MBNL3: variants seen among roughly 807,000 people sequenced by gnomAD.
The protein encoded by MBNL3 is muscleblind like splicing regulator 3.
MBNL3 carries 6 observed loss-of-function variants against 24.5 expected under a neutral mutation model. The ratio of observed to expected loss-of-function variants is 0.25; its 90% CI spans 0.13 to 0.48. MBNL3 has a LOEUF of 0.48. Among genes scored for constraint, MBNL3 ranks in the 20% least tolerant of loss-of-function variants. MBNL3 has a pLI of 0.99. For synonymous variants in MBNL3, 100 were observed against 101.7 expected, an observed-to-expected ratio of 0.98 and a Z score of 0.10; for missense variants, 230 against 293.5, an observed-to-expected ratio of 0.78 and a Z score of 1.58.
intron 6 of MBNL3, among the ~76,000 whole-genome samples, 173 bp downstream of exon 6, chrX:132,386,488 A>G (rs1936062642): frequency 8.9e-6 from 1 of 112,684 alleles, no homozygotes; most frequent in Non-Finnish European, 1.9e-5. Context: ...TTCATGAATT[A>G]TAGAAAAACA....
chrX:132,418,357 C>T (rs1224771109), intron 2 of MBNL3, among the ~76,000 whole-genome samples: 1 of 111,743 alleles, frequency 8.9e-6, no homozygotes, highest in Non-Finnish European at 1.9e-5. Flanking sequence ...GCTTTATATG[C>T]ATTAACTCAT....
At chrX:132,449,124 C>T (rs975627071) in intron 1 of MBNL3, among the ~76,000 whole-genome samples, 11 of 111,572 alleles carry the variant, frequency 9.9e-5, no homozygotes, top group African/African-American at 3.3e-4. Context: ...TGGTTTGGGA[C>T]GGAGAGTTCT....
At chrX:132,459,332 A>C (rs1340748541) in intron 1 of MBNL3, among the ~76,000 whole-genome samples, 1 of 110,843 alleles carries the variant, frequency 9.0e-6, no homozygotes, top group Non-Finnish European at 1.9e-5. Context: ...ACAAACTATA[A>C]TTTCCATGCC....
At position 132,476,953 on chromosome X, in the gene MBNL3, C is replaced by T. The variant is rs186235704; in HGVS notation, c.-704+11898G>A. Among the ~76,000 whole-genome samples, 14 of 111,837 alleles carry T rather than the reference C, an allele frequency of 1.3e-4. No individual in the cohort carries two copies. The Admixed American group carries it at 1.3e-3, about 11-fold the overall frequency. On this transcript the variant is annotated intron_variant, in intron 1 of 8. Transcript: ENST00000370853. ...CACACCTTATTCAACTGACTCTATACTACTCTGTACATGTTTACAGTGAAA... is the reference window on the plus strand; with the variant it reads ...CACACCTTATTCAACTGACTCTATATTACTCTGTACATGTTTACAGTGAAA...
intron 1 of MBNL3, among the ~76,000 whole-genome samples, chrX:132,480,047 G>A (rs1398338169): frequency 9.0e-6 from 1 of 111,356 alleles, no homozygotes; most frequent in African/African-American, 3.3e-5. Context: ...AGGGATTCCT[G>A]GATGTGAACC....
chrX:132,391,763 A>G (rs1937208884), intron 4 of MBNL3, among the ~76,000 whole-genome samples: 2 of 112,184 alleles, frequency 1.8e-5, no homozygotes, highest in African/African-American at 6.5e-5. Context: ...ATATAGCTTT[A>G]CATTCTGCAA....
At chrX:132,417,207 C>T (rs1172376001) in intron 2 of MBNL3, among the ~76,000 whole-genome samples, 5 of 111,383 alleles carry the variant, frequency 4.5e-5, no homozygotes, top group Non-Finnish European at 9.4e-5. Context: ...TCAGCTTCTG[C>T]TTCCAGTGAG....
chrX:132,478,166 C>T (rs1485331821), intron 1 of MBNL3, among the ~76,000 whole-genome samples: 1 of 108,490 alleles, frequency 9.2e-6, no homozygotes, highest in East Asian at 2.9e-4. Context: ...CACCTCACAC[C>T]CAATTGTCCC....
At position 132,406,914 on chromosome X, in the gene MBNL3, A is replaced by G. The variant is rs778204324; in HGVS notation, c.178-522T>C. 2.7e-5 allele frequency among the ~76,000 whole-genome samples: 3 copies of G among 112,109 alleles called. No homozygotes were observed. The East Asian group carries it at 8.4e-4, about 32-fold the overall frequency. Reference sequence around the variant, plus strand: ...TCTTATTTGGATTACTAGGTCCACCATAAACCTTTTAAGAAAGCACAACTG... The same window carrying G: ...TCTTATTTGGATTACTAGGTCCACCGTAAACCTTTTAAGAAAGCACAACTG... On this transcript the variant is annotated intron_variant, in intron 2 of 8. Transcript: ENST00000370853.
At chrX:132,462,176 G>C (rs1946661367) in intron 1 of MBNL3, among the ~76,000 whole-genome samples, 1 of 111,662 alleles carries the variant, frequency 9.0e-6, no homozygotes, top group Non-Finnish European at 1.9e-5. Flanking sequence ...TTTGGAGAAA[G>C]TTTAAATCTC....
At chrX:132,456,238 T>C (rs1399556460) in intron 1 of MBNL3, among the ~76,000 whole-genome samples, 1 of 112,299 alleles carries the variant, frequency 8.9e-6, no homozygotes, top group African/African-American at 3.2e-5. Flanking sequence ...ATAAACTGTG[T>C]CTACACAAAA....
intron 1 of MBNL3, among the ~76,000 whole-genome samples, chrX:132,458,561 G>A (rs1946487976): frequency 9.0e-6 from 1 of 111,040 alleles, no homozygotes; most frequent in Admixed American, 9.6e-5. Context: ...AGACACATGC[G>A]AAAGAAAGGG....
chrX:132,480,728 C>A (rs1947684039), intron 1 of MBNL3, among the ~76,000 whole-genome samples: 1 of 111,717 alleles, frequency 9.0e-6, no homozygotes, highest in Non-Finnish European at 1.9e-5. Context: ...TGGTCGCTTC[C>A]TGGCATTTAA....
chrX:132,399,602 T>G (rs763815433), intron 3 of MBNL3, among the ~76,000 whole-genome samples: 1 of 110,324 alleles, frequency 9.1e-6, no homozygotes, highest in East Asian at 2.8e-4. Context: ...ATTGCTAATG[T>G]GACTGGTATC....
intron 2 of MBNL3, among the ~76,000 whole-genome samples, chrX:132,415,082 A>C (rs1943174680): frequency 8.9e-6 from 1 of 111,969 alleles, no homozygotes; most frequent in Non-Finnish European, 1.9e-5. Flanking sequence ...AAGAACGTCA[A>C]GCCTTCTCTG....
chrX:132,453,178 A>C (rs761905569), intron 1 of MBNL3, among the ~76,000 whole-genome samples: 6 of 111,480 alleles, frequency 5.4e-5, no homozygotes, highest in Non-Finnish European at 9.4e-5. Flanking sequence ...AAGAACCTGG[A>C]AAGTGACCTA....
Position 132,408,092 on chromosome X carries a change from C to CTTTTTTTTTTTTTTTT in MBNL3, c.178-1716_178-1701dup, listed in dbSNP as rs60044820. On this transcript the variant is annotated intron_variant, in intron 2 of 8. Coordinates refer to ENST00000370853, the MANE Select transcript of MBNL3 (RefSeq NM_001386889.1). ...CCTGACCTCTCTTCTGAATTTCAGT[C>CTTTTTTTTTTTTTTTT]TTTTTTTTTTTTTTTTTTTTTTTTT... Among the ~76,000 whole-genome samples the CTTTTTTTTTTTTTTTT allele has an allele frequency of 2.2e-4, 5 of 22,572 alleles. 2 individuals are homozygous for CTTTTTTTTTTTTTTTT. Among genetic ancestry groups the CTTTTTTTTTTTTTTTT allele is most frequent in the South Asian group, 8.9e-3 (2 of 224 alleles). 19.6% of individuals were successfully genotyped at this position (22,572 alleles called of 115,157 possible).
At chrX:132,425,284 G>T (rs761561) in intron 2 of MBNL3, among the ~76,000 whole-genome samples, 30 of 111,761 alleles carry the variant, frequency 2.7e-4, no homozygotes, top group African/African-American at 9.7e-4. Flanking sequence ...AGATGAACAT[G>T]GAGAAAGTCT....
At chrX:132,460,905 G>A (rs1946596918) in intron 1 of MBNL3, among the ~76,000 whole-genome samples, 1 of 110,600 alleles carries the variant, frequency 9.0e-6, no homozygotes, top group African/African-American at 3.3e-5. Context: ...ATATCACTCT[G>A]TATGTCTTTG....
Sources: gnomAD v4.1 joint callset for allele counts (sites outside exome capture counted in the v4.1 genomes callset) on GRCh38, gnomAD v4.1.1 for gene constraint, MANE v1.5 for transcripts, NCBI Gene and HGNC (gene_info 2026-07-23, HGNC 2026-07-21) for gene names.